The following FMN1 variants were observed in gnomAD, a reference collection of about 807,000 sequenced individuals.
The protein encoded by FMN1 is formin-1.
In FMN1, 110 loss-of-function variants were observed where a neutral mutation model predicts 132.4. The observed-to-expected ratio is 0.83, with a 90% CI of 0.71 to 0.97. The LOEUF (loss-of-function observed/expected upper bound fraction) is 0.97, where lower values mean the gene tolerates loss of function less well. Among genes scored for constraint, FMN1 ranks in the 50% least tolerant of loss-of-function variants. The probability of loss-of-function intolerance (pLI) is 0.00; values close to 1 mark genes in which losing one functional copy is unlikely to be tolerated. For missense variants in FMN1, 1,792 were observed against 1,705.3 expected, an observed-to-expected ratio of 1.05 and a Z score of -0.90; for synonymous variants, 722 against 651.7, an observed-to-expected ratio of 1.11 and a Z score of -1.64.
chr15:33,095,746 A>G (rs1331653608), intron 4 of FMN1, among the ~76,000 whole-genome samples: 1 of 152,062 alleles, frequency 6.6e-6, no homozygotes, highest in Non-Finnish European at 1.5e-5. Context: ...TTTGAATAAC[A>G]TTTTCCCTTT....
intron 4 of FMN1, among the ~76,000 whole-genome samples, chr15:33,126,013 T>TAAC (rs67254203): frequency 0.22 from 33,890 of 151,902 alleles, 5,590 homozygotes; most frequent in African/African-American, 0.47. Flanking sequence ...ACACATGAGA[T>TAAC]AACAGTAATA....
chr15:33,057,237 G>A (rs934138876), intron 6 of FMN1, among the ~76,000 whole-genome samples: 3 of 152,098 alleles, frequency 2.0e-5, no homozygotes, highest in East Asian at 1.9e-4. Flanking sequence ...TTTCTTTGAC[G>A]GAAAGGGAAA....
At position 32,898,849 on chromosome 15, in the gene FMN1, C is replaced by A. The variant is rs369428192; in HGVS notation, c.3699G>T (p.Leu1233=). The A allele has an allele frequency of 3.6e-5, 58 of 1,600,892 alleles. No homozygotes were observed. In the African/African-American group the frequency reaches 7.5e-4, roughly 21 times the overall value. Residue 1233 remains leucine (L), a synonymous_variant, in exon 15 of 21, where the codon CTG becomes CTT. Coordinates refer to ENST00000616417, the MANE Select transcript of FMN1 (RefSeq NM_001277313.2). ...CATTTCTTACCTGATCATAGTAACG[C>A]AGGTAATACTTAACAACGTAGTCCA... The part of the protein sequence containing the change: ...NLVDYVVKYY[L]RYYDQEAGTE...
chr15:32,911,245 A>C (rs1478783068), intron 10 of FMN1, among the ~76,000 whole-genome samples: 8 of 152,232 alleles, frequency 5.3e-5, no homozygotes, highest in Admixed American at 5.2e-4. Context: ...AAAAATTGAG[A>C]CTTAAAATCC....
At position 32,988,117 on chromosome 15, in the gene FMN1, C is replaced by T. The variant is rs570863428; in HGVS notation, c.2224-18640G>A. On this transcript the variant is annotated intron_variant, in intron 7 of 20. Coordinates refer to ENST00000616417, the MANE Select transcript of FMN1 (RefSeq NM_001277313.2). ...GCTAATAAGCAGGGAGTGAGTGATG[C>T]TGTTGGACTCCAATGTTTGATTCTA... 7.4e-5 allele frequency among the ~76,000 whole-genome samples: 10 copies of T among 135,152 alleles called. No homozygotes were observed. In the South Asian group the frequency reaches 7.5e-4, roughly 10 times the overall value. 88.7% of individuals were successfully genotyped at this position (135,152 alleles called of 152,430 possible).
intron 7 of FMN1, among the ~76,000 whole-genome samples, chr15:32,972,551 C>G (rs567446497): frequency 6.6e-6 from 1 of 152,272 alleles, no homozygotes; most frequent in Non-Finnish European, 1.5e-5. Flanking sequence ...TTGACTGTTG[C>G]ACAAGCATTG....
At chr15:32,951,822 C>A (rs1310987805) in intron 9 of FMN1, among the ~76,000 whole-genome samples, 1 of 152,214 alleles carries the variant, frequency 6.6e-6, no homozygotes, top group Non-Finnish European at 1.5e-5. Context: ...GATGACTCAG[C>A]CAGGCCTGTG....
chr15:32,786,793 GC>G (rs1354042521), intron 19 of FMN1, among the ~76,000 whole-genome samples: 2 of 152,200 alleles, frequency 1.3e-5, no homozygotes, highest in Non-Finnish European at 2.9e-5. Context: ...GAGGGATATG[GC>G]TGTGTCCAGC....
chr15:32,982,259 G>C (rs996491127), intron 7 of FMN1, among the ~76,000 whole-genome samples: 1 of 152,198 alleles, frequency 6.6e-6, no homozygotes, highest in Non-Finnish European at 1.5e-5. Flanking sequence ...AGACCAACCT[G>C]ACAATACCAA....
intron 9 of FMN1, among the ~76,000 whole-genome samples, chr15:32,934,022 A>G (rs1162674574): frequency 6.6e-6 from 1 of 151,798 alleles, no homozygotes; most frequent in Non-Finnish European, 1.5e-5. Flanking sequence ...TAATTTGTTC[A>G]TTGTTTTGTA....
Position 32,822,257 on chromosome 15 carries a change from G to A in FMN1, c.3929-17925C>T, listed in dbSNP as rs147685581. On this transcript the variant is annotated intron_variant, in intron 17 of 20. Transcript: ENST00000616417. Reference sequence around the variant, plus strand: ...GCAGCTACTCAGGAAGCTGAGGCAGGAGAATCACGTGAACCCAGGAGGTGG... The same window carrying A: ...GCAGCTACTCAGGAAGCTGAGGCAGAAGAATCACGTGAACCCAGGAGGTGG... Among the ~76,000 whole-genome samples the A allele has an allele frequency of 2.1e-3, 313 of 152,306 alleles. 2 individuals are homozygous for A. Among genetic ancestry groups the A allele is most frequent in the African/African-American group, 7.1e-3 (294 of 41,554 alleles).
At chr15:33,031,242 A>G (rs2035923160) in intron 6 of FMN1, among the ~76,000 whole-genome samples, 1 of 152,180 alleles carries the variant, frequency 6.6e-6, no homozygotes, top group Non-Finnish European at 1.5e-5. Flanking sequence ...TCCAAACTCA[A>G]TAAATGTCCA....
intron 10 of FMN1, among the ~76,000 whole-genome samples, chr15:32,920,632 T>C (rs528523007): frequency 3.3e-5 from 5 of 152,330 alleles, no homozygotes; most frequent in African/African-American, 9.6e-5. Flanking sequence ...TCCACTCATC[T>C]CACACTCAAA....
At chr15:33,175,982 G>A (rs1031279155) in intron 3 of FMN1, among the ~76,000 whole-genome samples, 1 of 152,184 alleles carries the variant, frequency 6.6e-6, no homozygotes, top group South Asian at 2.1e-4. Context: ...AGATCAATAT[G>A]TAAAGACGTG....
chr15:33,085,616 T>G (rs2038659555), intron 5 of FMN1, among the ~76,000 whole-genome samples: 1 of 150,158 alleles, frequency 6.7e-6, no homozygotes, highest in South Asian at 2.1e-4. Context: ...ATAAAGCCCA[T>G]AAAAGGCTAG....
intron 5 of FMN1, among the ~76,000 whole-genome samples, chr15:33,082,471 C>G (rs2038520972): frequency 1.3e-5 from 2 of 152,118 alleles, no homozygotes. Context: ...TTTTTAGGGT[C>G]TTTTCTACCC....
intron 4 of FMN1, among the ~76,000 whole-genome samples, chr15:33,101,429 TACACTA>T (rs1340014335): frequency 2.0e-5 from 3 of 151,524 alleles, no homozygotes; most frequent in Non-Finnish European, 4.4e-5. Context: ...ACATGTAAGA[TACACTA>T]ACACTAACAA....
rs112077321 is a variant in FMN1 at position 32,809,326 on chromosome 15, T to C, written c.3929-4994A>G. Among the ~76,000 whole-genome samples, 777 of 152,314 alleles carry C rather than the reference T, an allele frequency of 5.1e-3. 2 individuals are homozygous for C. Among genetic ancestry groups the C allele is most frequent in the Non-Finnish European group, 8.4e-3 (573 of 68,026 alleles). On this transcript the variant is annotated intron_variant, in intron 17 of 20. Transcript: ENST00000616417. The stretch of plus-strand genomic sequence containing the variant: ...GTGACCTGTAACAGGTTCCCCTCAT[T>C]GCACAGTAAATTCAATTCTCTTTGT...
Position 32,981,222 on chromosome 15 carries a change from T to C in FMN1, c.2224-11745A>G, listed in dbSNP as rs913738525. On this transcript the variant is annotated intron_variant, in intron 7 of 20. Transcript: ENST00000616417. ...TTAATTAAATTCTGACTGGGTGCGGTGGCTCACGCCTGTAATCCCAGCACT... is the reference window on the plus strand; with the variant it reads ...TTAATTAAATTCTGACTGGGTGCGGCGGCTCACGCCTGTAATCCCAGCACT... 1.7e-4 allele frequency among the ~76,000 whole-genome samples: 26 copies of C among 152,088 alleles called. 1 individual carries two copies. Among genetic ancestry groups the C allele is most frequent in the Non-Finnish European group, 2.9e-4 (20 of 68,008 alleles).
Sources: gnomAD v4.1 joint callset for allele counts (sites outside exome capture counted in the v4.1 genomes callset) on GRCh38, gnomAD v4.1.1 for gene constraint, MANE v1.5 for transcripts, NCBI Gene and HGNC (gene_info 2026-07-23, HGNC 2026-07-21) for gene names.